Variants in ZYG11A observed in about 807,000 individuals in gnomAD.
ZYG11A encodes zyg-11 family member A, cell cycle regulator.
A neutral mutation model predicts 77.2 loss-of-function variants in ZYG11A; 62 were observed. That is an observed-to-expected ratio of 0.80 (90% CI 0.65 to 0.99). The LOEUF (loss-of-function observed/expected upper bound fraction) is 0.99. Ranked by LOEUF, ZYG11A falls within the 50% of genes least tolerant of loss-of-function variation. ZYG11A has a pLI of 0.00. For missense variants in ZYG11A, 828 were observed against 896.8 expected (o/e 0.92, Z 0.98); for synonymous variants, 315 against 324.6 (o/e 0.97, Z 0.32).
At chr1:52,870,682 A>AAT (rs1646142165) in intron 8 of ZYG11A, among the ~76,000 whole-genome samples, 1 of 152,228 alleles carries the variant, frequency 6.6e-6, no homozygotes, top group Non-Finnish European at 1.5e-5. Flanking sequence ...AACACAGTGA[A>AAT]ACCCCGTCTC....
chr1:52,878,972 A>C lies in ZYG11A; in HGVS notation c.1749+1003A>C, dbSNP rs1041825995. ...CTCAAAAAAAAAAAAAAAAAAAAAA[A>C]AAACAAACCAAAAAACTCAAACTCA... On this transcript the variant is annotated intron_variant, in intron 10 of 13. Transcript: ENST00000371528. Among the ~76,000 whole-genome samples the C allele has an allele frequency of 2.8e-3, 178 of 63,974 alleles. 1 individual carries two copies. The highest frequency in any genetic ancestry group is 4.5e-3 in the Admixed American group (30 of 6,708). 42.0% of individuals were successfully genotyped at this position (63,974 alleles called of 152,430 possible).
Position 52,887,076 on chromosome 1 carries a change from A to G in ZYG11A, c.2104+23A>G, listed in dbSNP as rs1434409727. 15 of 1,279,124 alleles carry G rather than the reference A, an allele frequency of 1.2e-5. No homozygotes were observed. In the East Asian group the frequency reaches 3.6e-4, roughly 31 times the overall value. 79.2% of individuals were successfully genotyped at this position (1,279,124 alleles called of 1,614,324 possible). On this transcript the variant is annotated intron_variant, in intron 13 of 13. Transcript: ENST00000371528. ...ATCGTATGTATTCAACATATATTCA[A>G]AACATAATAGTTTTCCAGCTATTTT...
In ZYG11A at chr1:52,893,256, A is replaced by AT. The variant is rs1230394413; in HGVS notation, c.*305dup. On this transcript the variant is annotated 3_prime_UTR_variant, in exon 14 of 14. Coordinates refer to ENST00000371528, the MANE Select transcript of ZYG11A (RefSeq NM_001004339.3). ...AGTTACTTTTCTCTAGCCTTGGACA[A>AT]TTTTTTCCCTTTGGGAGCTTGTCAT... is the stretch of plus-strand genomic sequence containing the variant. 3.7e-6 allele frequency: 1 copy of AT among 268,010 alleles called. No individual in the cohort carries two copies. Among genetic ancestry groups the AT allele is most frequent in the African/African-American group, 2.2e-5 (1 of 46,010 alleles). 16.6% of individuals were successfully genotyped at this position (268,010 alleles called of 1,614,324 possible). A position where few individuals can be genotyped will look rare whatever the true frequency, so the allele number is the denominator to read the frequency against.
At chr1:52,871,160 T>A (rs1395344817) in intron 8 of ZYG11A, among the ~76,000 whole-genome samples, 2 of 152,190 alleles carry the variant, frequency 1.3e-5, no homozygotes, top group African/African-American at 4.8e-5. Flanking sequence ...TTAAGAGACT[T>A]GATCTCATCC....
intron 10 of ZYG11A, 32 bp from the exon 11 acceptor site, chr1:52,881,439 C>G (rs1646359911): frequency 1.4e-6 from 2 of 1,465,382 alleles, no homozygotes; most frequent in African/African-American, 2.8e-5. Flanking sequence ...CCCTTCTTGT[C>G]TCTGGGGTTC....
At chr1:52,864,629 T>C (rs1023771290) in intron 5 of ZYG11A, among the ~76,000 whole-genome samples, 4 of 151,978 alleles carry the variant, frequency 2.6e-5, no homozygotes, top group Non-Finnish European at 5.9e-5. Flanking sequence ...ATAGGAAATA[T>C]AGATAAGCAG....
intron 13 of ZYG11A, 127 bp from the exon 14 acceptor site, chr1:52,892,655 A>G (rs911326630): frequency 1.3e-6 from 1 of 779,076 alleles, no homozygotes; most frequent in African/African-American, 1.8e-5. Flanking sequence ...GACTCATTTT[A>G]TCTGTTAATT....
At chr1:52,871,285 C>A (rs1646159757) in intron 8 of ZYG11A, among the ~76,000 whole-genome samples, 1 of 152,050 alleles carries the variant, frequency 6.6e-6, no homozygotes, top group Non-Finnish European at 1.5e-5. Context: ...CCACATTCAG[C>A]CTCCTCACGT....
intron 1 of ZYG11A, among the ~76,000 whole-genome samples, chr1:52,853,753 A>G (rs966012471): frequency 6.6e-6 from 1 of 152,070 alleles, no homozygotes; most frequent in African/African-American, 2.4e-5. Context: ...ATAAACCTAC[A>G]AAAAATTAGC....
chr1:52,871,477 T>G (rs1646164345), intron 8 of ZYG11A, among the ~76,000 whole-genome samples: 1 of 151,990 alleles, frequency 6.6e-6, no homozygotes, highest in African/African-American at 2.4e-5. Context: ...AATTTGCATG[T>G]CTGTCTACTC....
intron 5 of ZYG11A, among the ~76,000 whole-genome samples, chr1:52,864,935 G>GCCC (rs934109684): frequency 6.6e-6 from 1 of 151,822 alleles, no homozygotes. Context: ...ACAGACGTGA[G>GCCC]CCCCCGCGCC....
At position 52,894,986 on chromosome 1, in the gene ZYG11A, C is replaced by T. The variant is rs184164911; in HGVS notation, c.*2029C>T. 1 of 152,188 alleles carries T rather than the reference C, an allele frequency of 6.6e-6. No homozygotes were observed. Among genetic ancestry groups the T allele is most frequent in the South Asian group, 2.1e-4 (1 of 4,826 alleles). 9.4% of individuals were successfully genotyped at this position (152,188 alleles called of 1,614,324 possible). A position where few individuals can be genotyped will look rare whatever the true frequency, so the allele number is the denominator to read the frequency against. On this transcript the variant is annotated 3_prime_UTR_variant, in exon 14 of 14. Transcript: ENST00000371528. The stretch of plus-strand genomic sequence containing the variant: ...GGTGAGTTTTATTTTCCTCACTTAA[C>T]AGATGAGAAAAAGGAAGTTCAGTAA...
chr1:52,843,789 C>A (rs540954365), intron 1 of ZYG11A, among the ~76,000 whole-genome samples: 3 of 149,568 alleles, frequency 2.0e-5, no homozygotes, highest in South Asian at 2.1e-4. Flanking sequence ...GGGGTTCAAG[C>A]GATTCTTCTG....
At chr1:52,884,552 G>T (rs1036855479) in intron 11 of ZYG11A, among the ~76,000 whole-genome samples, 13 of 151,888 alleles carry the variant, frequency 8.6e-5, no homozygotes, top group Non-Finnish European at 1.8e-4. Context: ...TACTTGGGAG[G>T]CTGAGACAGG....
At chr1:52,875,705 G>T (rs1218444903) in intron 8 of ZYG11A, among the ~76,000 whole-genome samples, 1 of 151,228 alleles carries the variant, frequency 6.6e-6, no homozygotes, top group Non-Finnish European at 1.5e-5. Context: ...TTCAATTTTG[G>T]TGCTGAATCT....
intron 1 of ZYG11A, among the ~76,000 whole-genome samples, chr1:52,848,507 G>T (rs1365957918): frequency 6.6e-6 from 1 of 152,102 alleles, no homozygotes; most frequent in African/African-American, 2.4e-5. Flanking sequence ...AAAATAAAAT[G>T]ACATAAAATA....
intron 13 of ZYG11A, among the ~76,000 whole-genome samples, chr1:52,889,246 C>A (rs1325317220): frequency 1.3e-5 from 2 of 152,028 alleles, no homozygotes; most frequent in Non-Finnish European, 2.9e-5. Flanking sequence ...GTGATGCTGT[C>A]ACCTCAGCCT....
Position 52,881,475 on chromosome 1 carries a change from A to C in ZYG11A, c.1754A>C (p.Asn585Thr), listed in dbSNP as rs1293815973. 6.5e-7 allele frequency: 1 copy of C among 1,549,002 alleles called. No homozygotes were observed. Among genetic ancestry groups the C allele is most frequent in the African/African-American group, 1.4e-5 (1 of 73,014 alleles). ...TCTGCTCCATCTGACCTGTAGAACA[A>C]CATAGCAGAAGTCAGAGAGCTCTCT... ...IQSKVLGLLNNIAEVRELSSK... is the reference protein window; with the variant it reads ...IQSKVLGLLNTIAEVRELSSK... Residue 585 changes from asparagine to threonine, a missense_variant, in exon 11 of 14, where the codon AAC (asparagine) becomes ACC (threonine). Physicochemically the swap from Asn to Thr is moderately conservative, Grantham distance 65. Transcript: ENST00000371528.
intron 13 of ZYG11A, 76 bp downstream of exon 13, chr1:52,887,129 A>G: frequency 1.3e-6 from 1 of 752,002 alleles, no homozygotes; most frequent in Non-Finnish European, 2.0e-6. Context: ...TTCAAGATGG[A>G]TGTGCAAAAA....
Sources: allele counts gnomAD v4.1 joint callset (sites outside exome capture counted in the v4.1 genomes callset), GRCh38; gene constraint gnomAD v4.1.1; transcripts MANE v1.5; gene names NCBI Gene and HGNC (gene_info 2026-07-23, HGNC 2026-07-21).